FEZ1: variants seen among roughly 807,000 people sequenced by gnomAD.
The protein encoded by FEZ1 is fasciculation and elongation protein zeta 1.
FEZ1 carries 20 observed loss-of-function variants against 49.3 expected under a neutral mutation model. The observed-to-expected ratio is 0.41, with a 90% confidence interval of 0.29 to 0.59. The LOEUF is 0.59. Ranked by LOEUF, FEZ1 falls within the 20% of genes least tolerant of loss-of-function variation. The pLI is 0.36. For missense variants in FEZ1, 413 were observed against 476.0 expected, an observed-to-expected ratio of 0.87 and a Z score of 1.23; for synonymous variants, 170 against 180.9, an observed-to-expected ratio of 0.94 and a Z score of 0.48.
At chr11:125,488,509 A>G (rs769427903) in intron 2 of FEZ1, among the ~76,000 whole-genome samples, 9 of 152,116 alleles carry the variant, frequency 5.9e-5, no homozygotes, top group Non-Finnish European at 4.4e-5. Flanking sequence ...TGAAACTCCC[A>G]TCTCTACTCA....
At chr11:125,446,246 T>G in intron 9 of FEZ1, 135 bp from the exon 10 acceptor site, 1 of 775,946 alleles carries the variant, frequency 1.3e-6, no homozygotes, top group East Asian at 2.5e-5. Context: ...GTGCCTAGAA[T>G]AAGGGAGAGA....
At position 125,445,072 on chromosome 11, in the gene FEZ1, C is replaced by T. The variant is rs529077674; in HGVS notation, c.*1023G>A. Among the ~76,000 whole-genome samples the T allele has an allele frequency of 1.0e-3, 152 of 152,280 alleles. 1 individual carries two copies. The highest frequency in any genetic ancestry group is 9.9e-3 in the South Asian group (48 of 4,828). On this transcript the variant is annotated 3_prime_UTR_variant, in exon 10 of 10. Transcript: ENST00000278919. The surrounding 1 kb of genome is among the most constrained non-coding windows in gnomAD (Gnocchi z 4.4). ...TGAGATCGAGCCAGCATCCGGGATACGAGGAGACCTTCGCCTGCTGGTTGG... is the reference window on the plus strand; with the variant it reads ...TGAGATCGAGCCAGCATCCGGGATATGAGGAGACCTTCGCCTGCTGGTTGG...
chr11:125,447,291 T>C (rs1956907380), intron 9 of FEZ1, among the ~76,000 whole-genome samples: 2 of 152,106 alleles, frequency 1.3e-5, no homozygotes, highest in Admixed American at 6.5e-5. Context: ...GGGATGAAAT[T>C]AGCAAAAATC....
chr11:125,444,105 A>ATCCATGCCCTTTTAT lies in FEZ1; in HGVS notation c.*1975_*1989dup, dbSNP rs11268654. On this transcript the variant is annotated 3_prime_UTR_variant, in exon 10 of 10. Coordinates refer to ENST00000278919, the MANE Select transcript of FEZ1 (RefSeq NM_005103.5). ...TAGCACCAGTGAACTGCCGAACTGA[A>ATCCATGCCCTTTTAT]TCCATGCCCTTTTATCACAGGACGA... Among the ~76,000 whole-genome samples the ATCCATGCCCTTTTAT allele has an allele frequency of 0.14, 21,083 of 152,064 alleles. 1,586 individuals are homozygous for ATCCATGCCCTTTTAT. The highest frequency in any genetic ancestry group is 0.28 in the East Asian group (1,440 of 5,150).
rs1199212944 is a variant in FEZ1, at chr11:125,455,581, AC to A, written c.939+253del. On this transcript the variant is annotated intron_variant, in intron 6 of 9. Transcript: ENST00000278919. ...CTCCACTTTCTTTAAGGTCTTGCCT[AC>A]AGAGAACACAAGCCAAATTCAATTA... 1.3e-5 allele frequency: 7 copies of A among 547,592 alleles called. No homozygotes were observed. The East Asian group carries it at 2.2e-4, about 17-fold the overall frequency. The allele number at this position is 547,592 out of a possible 1,614,324, so 33.9% of individuals were successfully genotyped here. A position where few individuals can be genotyped will look rare whatever the true frequency, so the allele number is the denominator to read the frequency against.
At position 125,489,041 on chromosome 11, in the gene FEZ1, C is replaced by G. The variant is rs565241351; in HGVS notation, c.311+426G>C. On this transcript the variant is annotated intron_variant, in intron 2 of 9. Coordinates refer to ENST00000278919, the MANE Select transcript of FEZ1 (RefSeq NM_005103.5). This position sits in a 1 kb window ranked among gnomAD's most constrained non-coding sequence, Gnocchi z 4.2. ...TAACTCTCCAGGCCTGAGGGGCTGT[C>G]AAAAATTCGGGATTTTCAAAATTCT... 5.6e-4 allele frequency: 549 copies of G among 986,666 alleles called. No homozygotes were observed. Among genetic ancestry groups the G allele is most frequent in the Non-Finnish European group, 6.2e-4 (519 of 830,916 alleles). 61.1% of individuals were successfully genotyped at this position (986,666 alleles called of 1,614,324 possible).
At chr11:125,474,729 A>G (rs896340471) in intron 3 of FEZ1, among the ~76,000 whole-genome samples, 20 of 151,876 alleles carry the variant, frequency 1.3e-4, no homozygotes, top group African/African-American at 4.4e-4. Flanking sequence ...CTCTACTAAA[A>G]ATACAAAAAT....
intron 3 of FEZ1, among the ~76,000 whole-genome samples, chr11:125,479,618 G>A (rs115250588): frequency 0.019 from 2,913 of 152,322 alleles, 74 homozygotes; most frequent in African/African-American, 0.057. Flanking sequence ...CCTTGTGGAG[G>A]TGATGATATC....
intron 3 of FEZ1, among the ~76,000 whole-genome samples, chr11:125,471,148 T>A (rs935966800): frequency 1.2e-4 from 19 of 152,120 alleles, no homozygotes; most frequent in South Asian, 6.2e-4. Flanking sequence ...GAATATTTGA[T>A]TAACCCAAAA....
Position 125,455,833 on chromosome 11 carries a change from A to G in FEZ1, c.939+2T>C. 1 of 1,613,732 alleles carries G rather than the reference A, an allele frequency of 6.2e-7. No individual in the cohort carries two copies. The highest frequency in any genetic ancestry group is 8.5e-7 in the Non-Finnish European group (1 of 1,179,928). ...CAGTCTTCCACCTGGTTGTTCACCT[A>G]CCTTGAGAGGCATCTGGTTTCCCTT... On this transcript the variant is annotated splice_donor_variant, in intron 6 of 9. Coordinates refer to ENST00000278919, the MANE Select transcript of FEZ1 (RefSeq NM_005103.5). LOFTEE classifies it high-confidence loss of function.
intron 5 of FEZ1, among the ~76,000 whole-genome samples, chr11:125,458,043 G>A (rs1349358882): frequency 6.6e-6 from 1 of 152,152 alleles, no homozygotes; most frequent in African/African-American, 2.4e-5. Flanking sequence ...GCTGGGAAGG[G>A]CCTGACAAGG....
Position 125,489,513 on chromosome 11 carries a change from T to C in FEZ1, c.265A>G (p.Asn89Asp). ...AKTENLAPVK[N>D]QLQIQEEEET... ...TCCTCCTCTTGGATCTGTAACTGGTTCTTCACGGGAGCTAGGTTCTCGGTC... is the reference window on the plus strand; with the variant it reads ...TCCTCCTCTTGGATCTGTAACTGGTCCTTCACGGGAGCTAGGTTCTCGGTC... Residue 89 changes from asparagine (N) to aspartate (D), a missense_variant, in exon 2 of 10, where the codon AAC becomes GAC. By Grantham distance (23) the Asn-to-Asp change is conservative. Transcript: ENST00000278919. This position sits in a 1 kb window ranked among gnomAD's most constrained non-coding sequence, Gnocchi z 4.2. 1 of 1,614,088 alleles carries C rather than the reference T, an allele frequency of 6.2e-7. No homozygotes were observed. Among genetic ancestry groups the C allele is most frequent in the Non-Finnish European group, 8.5e-7 (1 of 1,180,002 alleles).
At chr11:125,463,203 G>A (rs1429627972) in intron 4 of FEZ1, 1 of 209,426 alleles carries the variant, frequency 4.8e-6, no homozygotes, top group African/African-American at 2.3e-5. Flanking sequence ...CTACTCGGGA[G>A]GCTGAGGCAG....
intron 4 of FEZ1, among the ~76,000 whole-genome samples, chr11:125,462,166 T>C (rs1957081760): frequency 6.6e-6 from 1 of 152,244 alleles, no homozygotes; most frequent in Non-Finnish European, 1.5e-5. Context: ...AAAAAGCACT[T>C]TCTGGCACCG....
rs1956985442 is a variant in FEZ1, at chr11:125,454,187, G to A, written c.963C>T (p.Ser321=). ...PLKRFSMEGI[S]NILQSGIRQT... is the part of the protein sequence containing the mutation. Reference sequence around the variant, plus strand: ...GGCGGATGCCACTCTGCAGAATGTTGGAGATGCCTTCCATGCTGAAGCGCT... The same window carrying A: ...GGCGGATGCCACTCTGCAGAATGTTAGAGATGCCTTCCATGCTGAAGCGCT... The change falls in exon 7 of 10, where the codon TCC becomes TCT. Residue 321 remains serine (S), a synonymous_variant. Coordinates refer to ENST00000278919, the MANE Select transcript of FEZ1 (RefSeq NM_005103.5). 6.2e-7 allele frequency: 1 copy of A among 1,613,600 alleles called. No individual in the cohort carries two copies.
chr11:125,469,975 A>G (rs1156716667), intron 3 of FEZ1, among the ~76,000 whole-genome samples: 2 of 152,056 alleles, frequency 1.3e-5, no homozygotes, highest in Admixed American at 6.6e-5. Flanking sequence ...TTGTCCTCCC[A>G]AAGTGCTAGG....
chr11:125,473,394 C>T (rs778676017), intron 3 of FEZ1, among the ~76,000 whole-genome samples: 1 of 152,200 alleles, frequency 6.6e-6, no homozygotes, highest in Non-Finnish European at 1.5e-5. Flanking sequence ...CTCGGTAGTC[C>T]CAGCAATTGG....
At chr11:125,468,334 C>T (rs1957152986) in intron 3 of FEZ1, among the ~76,000 whole-genome samples, 1 of 152,066 alleles carries the variant, frequency 6.6e-6, no homozygotes, top group Non-Finnish European at 1.5e-5. Context: ...CACACCACCA[C>T]TCATGGCAAA....
chr11:125,492,034 G>A (rs1957387942), intron 1 of FEZ1, among the ~76,000 whole-genome samples: 1 of 152,158 alleles, frequency 6.6e-6, no homozygotes, highest in East Asian at 1.9e-4. Context: ...TAATCATTTT[G>A]ATTGAAGTAA....
Sources: gnomAD v4.1 joint callset for allele counts (sites outside exome capture counted in the v4.1 genomes callset) on GRCh38, gnomAD v4.1.1 for gene constraint, Gnocchi (gnomAD v3.1) non-coding constraint, MANE v1.5 for transcripts, NCBI Gene and HGNC (gene_info 2026-07-23, HGNC 2026-07-21) for gene names.